Variants in ITPKB observed in about 807,000 individuals in gnomAD.
ITPKB encodes IP3 3-kinase B.
Under a neutral mutation model 69.4 loss-of-function variants are expected in ITPKB, and 13 were observed. That is an observed-to-expected ratio of 0.19 (90% CI 0.12 to 0.30). The LOEUF (loss-of-function observed/expected upper bound fraction) is 0.30, where lower values mean the gene tolerates loss of function less well. Among genes scored for constraint, ITPKB ranks in the 10% least tolerant of loss-of-function variants. The pLI is 1.00. For synonymous variants in ITPKB, 584 were observed against 513.7 expected (o/e 1.14, Z -1.85); for missense variants, 1,240 against 1,250.5 (o/e 0.99, Z 0.13).
chr1:226,726,778 G>A (rs1337994842), intron 2 of ITPKB, among the ~76,000 whole-genome samples: 1 of 152,008 alleles, frequency 6.6e-6, no homozygotes, highest in Non-Finnish European at 1.5e-5. Context: ...CTACACTGGC[G>A]AATGTTTAAT....
intron 2 of ITPKB, chr1:226,707,192 T>TTTTA (rs1365621851): frequency 1.0e-5 from 6 of 572,388 alleles, no homozygotes; most frequent in South Asian, 1.6e-4. Flanking sequence ...TTTTTTTATT[T>TTTTA]TTTATTTATT....
At chr1:226,665,057 T>C (rs1169142961) in intron 2 of ITPKB, among the ~76,000 whole-genome samples, 1 of 152,160 alleles carries the variant, frequency 6.6e-6, no homozygotes, top group Non-Finnish European at 1.5e-5. Flanking sequence ...TTTGGCTACA[T>C]TTTTTTTCTA....
rs956215043 is a variant in ITPKB at position 226,691,183 on chromosome 1, G to T, written c.1933-42412C>A. Among the ~76,000 whole-genome samples, 4 of 151,916 alleles carry T rather than the reference G, an allele frequency of 2.6e-5. No homozygotes were observed. The East Asian group carries it at 7.7e-4, about 29-fold the overall frequency. ...AATGGATGTAATGCCACTAAACTGTGCACTTAAAATGGTTAAAATGGTGAA... is the reference window on the plus strand; with the variant it reads ...AATGGATGTAATGCCACTAAACTGTTCACTTAAAATGGTTAAAATGGTGAA... On this transcript the variant is annotated intron_variant, in intron 2 of 7. Coordinates refer to ENST00000429204, the MANE Select transcript of ITPKB (RefSeq NM_002221.4).
In ITPKB at chr1:226,637,356, G is replaced by C. The variant is rs1213143782; in HGVS notation, c.2625+323C>G. On this transcript the variant is annotated intron_variant, in intron 7 of 7. Coordinates refer to ENST00000429204, the MANE Select transcript of ITPKB (RefSeq NM_002221.4). This position sits in a 1 kb window ranked among gnomAD's most constrained non-coding sequence, Gnocchi z 4.3. ...GGTGCCTGGCTACTCTAGCAGCTCA[G>C]AGAGCTTCTGCCCTGAGACCACGGG... 1.3e-5 allele frequency among the ~76,000 whole-genome samples: 2 copies of C among 152,208 alleles called. No individual in the cohort carries two copies. The highest frequency in any genetic ancestry group is 6.5e-5 in the Admixed American group (1 of 15,282).
In ITPKB at chr1:226,738,883, C is replaced by T. The variant is rs1558104597; in HGVS notation, c.-206+158G>A. ...CCCTATTTTCTCCCCACCGCCACTC[C>T]ATGTCACCCTCCAAAATCAAACCCC... On this transcript the variant is annotated intron_variant, in intron 1 of 7. Coordinates refer to ENST00000429204, the MANE Select transcript of ITPKB (RefSeq NM_002221.4). The surrounding 1 kb of genome is among the most constrained non-coding windows in gnomAD (Gnocchi z 4.2). Among the ~76,000 whole-genome samples the T allele has an allele frequency of 6.6e-6, 1 of 152,204 alleles. No individual in the cohort carries two copies. The highest frequency in any genetic ancestry group is 2.4e-5 in the African/African-American group (1 of 41,462).
At chr1:226,663,207 G>A (rs936756546) in intron 2 of ITPKB, among the ~76,000 whole-genome samples, 2 of 152,130 alleles carry the variant, frequency 1.3e-5, no homozygotes, top group Non-Finnish European at 2.9e-5. Flanking sequence ...TGTCAACCAG[G>A]CCCTGCTAGT....
chr1:226,707,726 A>G, intron 2 of ITPKB: 1 of 1,049,370 alleles, frequency 9.5e-7, no homozygotes, highest in Non-Finnish European at 1.2e-6. Context: ...GGACAGTAAG[A>G]CAATATCAAA....
At chr1:226,649,827 AAAAC>A (rs1346690196) in intron 2 of ITPKB, among the ~76,000 whole-genome samples, 6 of 137,260 alleles carry the variant, frequency 4.4e-5, no homozygotes, top group South Asian at 2.3e-4. Flanking sequence ...TTCCCCAGCA[AAAAC>A]AAACAAAACA....
At chr1:226,677,331 C>G (rs1655911352) in intron 2 of ITPKB, among the ~76,000 whole-genome samples, 3 of 152,188 alleles carry the variant, frequency 2.0e-5, no homozygotes, top group African/African-American at 7.2e-5. Context: ...CACGATGCCA[C>G]CAGGGCTGGG....
intron 2 of ITPKB, among the ~76,000 whole-genome samples, chr1:226,706,066 T>A (rs1221789756): frequency 6.6e-6 from 1 of 152,218 alleles, no homozygotes; most frequent in Non-Finnish European, 1.5e-5. Flanking sequence ...GGCTAGTATC[T>A]GCTGGGAATT....
At chr1:226,709,204 G>A (rs542590166) in intron 2 of ITPKB, among the ~76,000 whole-genome samples, 23 of 152,348 alleles carry the variant, frequency 1.5e-4, no homozygotes, top group African/African-American at 4.8e-4. Context: ...GCCCAGTTAC[G>A]TTTGGATTTT....
chr1:226,666,566 C>T (rs1283304843), intron 2 of ITPKB, among the ~76,000 whole-genome samples: 1 of 152,164 alleles, frequency 6.6e-6, no homozygotes, highest in African/African-American at 2.4e-5. Flanking sequence ...AAGATCTACC[C>T]TCAGGGACAG....
chr1:226,710,901 T>C (rs1299053507), intron 2 of ITPKB, among the ~76,000 whole-genome samples: 1 of 152,172 alleles, frequency 6.6e-6, no homozygotes, highest in Non-Finnish European at 1.5e-5. Flanking sequence ...CATGCTTCAT[T>C]GTCCCACTGG....
At position 226,736,737 on chromosome 1, in the gene ITPKB, G is replaced by C. The variant is rs770236702; in HGVS notation, c.722C>G (p.Ala241Gly). 3 of 1,612,790 alleles carry C rather than the reference G, an allele frequency of 1.9e-6. No homozygotes were observed. In the Admixed American group the frequency reaches 5.0e-5, roughly 27 times the overall value. ...KKGMPPLPGR[A>G]APTGSEAQGP... ...CTGAGCCTCTGATCCTGTAGGGGCA[G>C]CCCGGCCGGGAAGAGGTGGCATTCC... The change falls in exon 2 of 8, where the codon GCT becomes GGT. Residue 241 changes from alanine to glycine, a missense_variant. By Grantham distance (60) the Ala-to-Gly change is moderately conservative. Around this residue, in one of 2 missense-constraint regions of ITPKB, gnomAD observed 992 missense variants for 853.8 expected, o/e 1.16. Coordinates refer to ENST00000429204, the MANE Select transcript of ITPKB (RefSeq NM_002221.4).
At chr1:226,737,704 G>T in intron 1 of ITPKB, 41 bp from the exon 2 acceptor site, 1 of 658,180 alleles carries the variant, frequency 1.5e-6, no homozygotes, top group Non-Finnish European at 1.9e-6. Context: ...CCTGGAGGGC[G>T]CGCGGGGGGA....
intron 2 of ITPKB, among the ~76,000 whole-genome samples, chr1:226,651,558 T>C (rs1669195067): frequency 6.6e-6 from 1 of 152,108 alleles, no homozygotes; most frequent in South Asian, 2.1e-4. Flanking sequence ...GCCTAGGTTC[T>C]GAACAATAAA....
In ITPKB at chr1:226,700,465, CAAAAAAAAAAAAA is replaced by C. The variant is rs58320585; in HGVS notation, c.1932+35049_1932+35061del. On this transcript the variant is annotated intron_variant, in intron 2 of 7. Coordinates refer to ENST00000429204, the MANE Select transcript of ITPKB (RefSeq NM_002221.4). ...GCCTGGCAACGGAGCAAGACTCCGT[CAAAAAAAAAAAAA>C]AAAAAAAAAAAAAAAAAACCCAGAA... Among the ~76,000 whole-genome samples the C allele has an allele frequency of 4.6e-3, 250 of 53,976 alleles. 1 individual carries two copies. The highest frequency in any genetic ancestry group is 0.016 in the African/African-American group (188 of 11,686). The allele number at this position is 53,976 out of a possible 152,430, so 35.4% of individuals were successfully genotyped here.
chr1:226,712,249 G>T (rs1179876027), intron 2 of ITPKB, among the ~76,000 whole-genome samples: 1 of 152,172 alleles, frequency 6.6e-6, no homozygotes, highest in Non-Finnish European at 1.5e-5. Context: ...TCCTGCTGCT[G>T]CCCCCTGTCC....
chr1:226,729,459 G>A (rs551619390), intron 2 of ITPKB, among the ~76,000 whole-genome samples: 95 of 140,722 alleles, frequency 6.8e-4, no homozygotes, highest in Middle Eastern at 3.8e-3. Context: ...TCCAGCCTGG[G>A]TGACAGAGCG....
Sources: allele counts gnomAD v4.1 joint callset (sites outside exome capture counted in the v4.1 genomes callset), GRCh38; gene constraint gnomAD v4.1.1; regional missense constraint gnomAD v4.1.1; non-coding constraint Gnocchi (gnomAD v3.1); transcripts MANE v1.5; gene names NCBI Gene and HGNC (gene_info 2026-07-23, HGNC 2026-07-21).